The following DIP2C variants were observed in gnomAD, a reference collection of about 807,000 sequenced individuals.
DIP2C encodes the protein DIP2 acetate--CoA ligase C (putative), also known as disco-interacting protein 2 homolog C.
DIP2C carries 33 observed loss-of-function variants against 192.4 expected under a neutral mutation model. That is an observed-to-expected ratio of 0.17 (90% CI 0.13 to 0.23). The LOEUF (loss-of-function observed/expected upper bound fraction) is 0.23, where lower values mean the gene tolerates loss of function less well. Among genes scored for constraint, DIP2C ranks in the 10% least tolerant of loss-of-function variants. The probability of loss-of-function intolerance (pLI) is 1.00; values close to 1 mark genes in which losing one functional copy is unlikely to be tolerated. For synonymous variants in DIP2C, 979 were observed against 864.1 expected, an observed-to-expected ratio of 1.13 and a Z score of -2.33; for missense variants, 1,537 against 2,110.1, an observed-to-expected ratio of 0.73 and a Z score of 5.32.
intron 3 of DIP2C, among the ~76,000 whole-genome samples, chr10:444,414 C>G (rs1967990276): frequency 6.6e-6 from 1 of 150,574 alleles, no homozygotes; most frequent in South Asian, 2.1e-4. Context: ...TTCCTTGGCG[C>G]TCTTCCATCA....
chr10:588,885 C>T (rs1219196157), intron 1 of DIP2C, among the ~76,000 whole-genome samples: 1 of 152,184 alleles, frequency 6.6e-6, no homozygotes, highest in Non-Finnish European at 1.5e-5. Context: ...GTGGGGTCAC[C>T]GGGCCCCACG....
intron 1 of DIP2C, among the ~76,000 whole-genome samples, chr10:598,671 TA>T (rs941335765): frequency 1.8e-4 from 27 of 152,264 alleles, no homozygotes; most frequent in African/African-American, 6.0e-4. Context: ...ACAAAGCAAT[TA>T]AAGGCATGAG....
chr10:431,250 C>T (rs1049213872), intron 4 of DIP2C, among the ~76,000 whole-genome samples: 2 of 152,030 alleles, frequency 1.3e-5, no homozygotes, highest in African/African-American at 4.8e-5. Context: ...AAAAAAAACT[C>T]GTTCGGATGT....
Position 336,978 on chromosome 10 carries a change from C to CTG in DIP2C, c.3584+4219_3584+4220dup, listed in dbSNP as rs141349366. ...GTGTGTGTTGTGGAGGCCTAGGCAG[C>CTG]TGTGTGTGTGTGTGTTGTGGAGGCC... On this transcript the variant is annotated intron_variant, in intron 29 of 36. Coordinates refer to ENST00000280886, the MANE Select transcript of DIP2C (RefSeq NM_014974.3). 9.3e-4 allele frequency among the ~76,000 whole-genome samples: 31 copies of CTG among 33,308 alleles called. 1 individual carries two copies. Among genetic ancestry groups the CTG allele is most frequent in the Admixed American group, 2.2e-3 (5 of 2,308 alleles). The allele number at this position is 33,308 out of a possible 152,430, so 21.9% of individuals were successfully genotyped here.
intron 24 of DIP2C, chr10:356,149 TTC>T (rs1420631252): frequency 1.8e-6 from 1 of 564,484 alleles, no homozygotes; most frequent in African/African-American, 1.9e-5. Flanking sequence ...GACTTACGAT[TTC>T]TCTCTTGCAG....
intron 1 of DIP2C, among the ~76,000 whole-genome samples, chr10:593,484 G>GC (rs1851522061): frequency 3.4e-4 from 14 of 40,784 alleles, no homozygotes; most frequent in African/African-American, 6.7e-4. Flanking sequence ...GCCCACGCGG[G>GC]ACCCCCCCCC....
intron 1 of DIP2C, among the ~76,000 whole-genome samples, chr10:686,790 C>T (rs1479349727): frequency 6.6e-6 from 1 of 152,242 alleles, no homozygotes; most frequent in Non-Finnish European, 1.5e-5. Flanking sequence ...CCCCTGCAGC[C>T]CTGCAAAGCA....
At chr10:526,688 C>CCACA (rs1367354099) in intron 1 of DIP2C, among the ~76,000 whole-genome samples, 2 of 152,218 alleles carry the variant, frequency 1.3e-5, no homozygotes, top group African/African-American at 4.8e-5. Flanking sequence ...AAGGACTCGT[C>CCACA]CACACTGGTG....
rs190465501 is a variant in DIP2C at position 500,983 on chromosome 10, C to T, written c.86-14453G>A. 1.6e-3 allele frequency among the ~76,000 whole-genome samples: 241 copies of T among 152,250 alleles called. 7 individuals are homozygous for T. In the South Asian group the frequency reaches 0.049, roughly 31 times the overall value. On this transcript the variant is annotated intron_variant, in intron 1 of 36. Coordinates refer to ENST00000280886, the MANE Select transcript of DIP2C (RefSeq NM_014974.3). Reference sequence around the variant, plus strand: ...AGGCCTGAGGTTTTCTTTTGGAGAGCGGAGGGGGCAAATGACCTACCAGAA... The same window carrying T: ...AGGCCTGAGGTTTTCTTTTGGAGAGTGGAGGGGGCAAATGACCTACCAGAA...
chr10:642,352 T>C (rs1855235293), intron 1 of DIP2C, among the ~76,000 whole-genome samples: 1 of 152,146 alleles, frequency 6.6e-6, no homozygotes, highest in East Asian at 1.9e-4. Flanking sequence ...GGGGCAGGGT[T>C]TGCACTTCGA....
chr10:554,701 C>T (rs915385526), intron 1 of DIP2C, among the ~76,000 whole-genome samples: 67 of 152,200 alleles, frequency 4.4e-4, no homozygotes, highest in African/African-American at 1.4e-3. Flanking sequence ...CAGGACACCG[C>T]GCACAGATTC....
At chr10:345,419 C>CCA (rs376682290) in intron 26 of DIP2C, among the ~76,000 whole-genome samples, 2 of 151,712 alleles carry the variant, frequency 1.3e-5, no homozygotes, top group Non-Finnish European at 2.9e-5. Context: ...CCTGGAAACC[C>CCA]CACACACACA....
intron 32 of DIP2C, among the ~76,000 whole-genome samples, chr10:301,148 T>C (rs1025289210): frequency 6.6e-6 from 1 of 152,046 alleles, no homozygotes; most frequent in African/African-American, 2.4e-5. Flanking sequence ...CGTGGAGACA[T>C]GGGGCTTTGT....
intron 29 of DIP2C, among the ~76,000 whole-genome samples, chr10:332,954 G>A (rs1463852455): frequency 6.6e-6 from 1 of 152,218 alleles, no homozygotes; most frequent in Admixed American, 6.5e-5. Flanking sequence ...CCAGGTTGGA[G>A]TGCAGTGGTG....
chr10:451,691 C>T (rs1426918831), intron 3 of DIP2C, among the ~76,000 whole-genome samples: 6 of 152,152 alleles, frequency 3.9e-5, no homozygotes, highest in Non-Finnish European at 7.3e-5. Flanking sequence ...TTCTCTTCAA[C>T]ATTTGCGAAG....
intron 4 of DIP2C, among the ~76,000 whole-genome samples, chr10:439,899 G>GA (rs1303451280): frequency 6.6e-6 from 1 of 152,134 alleles, no homozygotes; most frequent in East Asian, 1.9e-4. Context: ...TTGTAGTGGA[G>GA]AAAAAAATGG....
At chr10:531,345 C>T (rs7893218) in intron 1 of DIP2C, among the ~76,000 whole-genome samples, 23,757 of 151,942 alleles carry the variant, frequency 0.16, 2,946 homozygotes, top group African/African-American at 0.35. Flanking sequence ...GTTTAAATGC[C>T]GCGGTCTCCT....
intron 4 of DIP2C, among the ~76,000 whole-genome samples, chr10:430,909 C>T (rs1966849792): frequency 6.6e-6 from 1 of 152,188 alleles, no homozygotes; most frequent in Admixed American, 6.5e-5. Flanking sequence ...AGGTCTGTGA[C>T]TAGGTTTGGT....
At chr10:401,579 T>TATG (rs547040059) in intron 9 of DIP2C, among the ~76,000 whole-genome samples, 97 of 660 alleles carry the variant, frequency 0.15, 39 homozygotes, top group South Asian at 0.5. Context: ...ACATGAATCC[T>TATG]ATTTTACATG....
Sources: gnomAD v4.1 joint callset for allele counts (sites outside exome capture counted in the v4.1 genomes callset) on GRCh38, gnomAD v4.1.1 for gene constraint, MANE v1.5 for transcripts, NCBI Gene and HGNC (gene_info 2026-07-23, HGNC 2026-07-21) for gene names.